Variants in CCNY observed in about 807,000 individuals in gnomAD.
The protein encoded by CCNY is cyclin Y, also known as cyclin-Y.
Under a neutral mutation model 42.8 loss-of-function variants are expected in CCNY, and 19 were observed. That is an observed-to-expected ratio of 0.44 (90% CI 0.31 to 0.65). The LOEUF (loss-of-function observed/expected upper bound fraction) is 0.65. Among genes scored for constraint, CCNY ranks in the 30% least tolerant of loss-of-function variants. CCNY has a pLI of 0.07. For synonymous variants in CCNY, 165 were observed against 162.7 expected (o/e 1.01, Z -0.11); for missense variants, 370 against 437.3 (o/e 0.85, Z 1.37).
intron 3 of CCNY, among the ~76,000 whole-genome samples, chr10:35,293,916 G>A (rs574625324): frequency 1.5e-4 from 22 of 151,360 alleles, no homozygotes; most frequent in African/African-American, 4.6e-4. Flanking sequence ...TCAGCCTCCC[G>A]AGTAGCTGAG....
At chr10:35,483,262 G>T (rs1839713726) in intron 1 of CCNY, 142 bp from the exon 2 acceptor site, 5 of 627,040 alleles carry the variant, frequency 8.0e-6, no homozygotes, top group Admixed American at 3.4e-5. Context: ...TGAACCAAAA[G>T]AATCTATTAA....
intron 3 of CCNY, among the ~76,000 whole-genome samples, chr10:35,324,623 T>C (rs1835858549): frequency 6.6e-6 from 1 of 152,144 alleles, no homozygotes; most frequent in African/African-American, 2.4e-5. Flanking sequence ...AGAGCTGAGA[T>C]GGGGGAAGCA....
At chr10:35,272,809 TG>T (rs1273497621) in intron 3 of CCNY, among the ~76,000 whole-genome samples, 1 of 152,228 alleles carries the variant, frequency 6.6e-6, no homozygotes, top group Non-Finnish European at 1.5e-5. Flanking sequence ...CTGGGTTGAA[TG>T]GTGGTTCTGT....
Position 35,465,938 on chromosome 10 carries a change from A to AGAGAGAGAGAGAGAGTGTGTGT in CCNY, c.155-17465_155-17464insAGAGAGAGAGAGAGTGTGTGTG. Among the ~76,000 whole-genome samples the AGAGAGAGAGAGAGAGTGTGTGT allele has an allele frequency of 2.5e-3, 199 of 80,972 alleles. 1 individual carries two copies. The highest frequency in any genetic ancestry group is 3.8e-3 in the Admixed American group (30 of 7,804). The allele number at this position is 80,972 out of a possible 152,430, so 53.1% of individuals were successfully genotyped here. A position where few individuals can be genotyped will look rare whatever the true frequency, so the allele number is the denominator to read the frequency against. On this transcript the variant is annotated intron_variant, in intron 1 of 9. Transcript: ENST00000374704. ...GAGAGAGAGAGAGAGAGAGAGAGAG[A>AGAGAGAGAGAGAGAGTGTGTGT]GTGTGTGTGTGTGTGTGTGTGTCTG...
At position 35,518,842 on chromosome 10, in the gene CCNY, T is replaced by C. The variant is rs1257720110; in HGVS notation, c.365+2219T>C. ...AGATCTTGATTGAATCTGGCTGAGG[T>C]ATGCTGTGAGTATCTGGATTTTTAA... On this transcript the variant is annotated intron_variant, in intron 4 of 9. Transcript: ENST00000374704. 4.1e-5 allele frequency among the ~76,000 whole-genome samples: 5 copies of C among 120,528 alleles called. No homozygotes were observed. In the East Asian group the frequency reaches 7.7e-4, roughly 19 times the overall value. 79.1% of individuals were successfully genotyped at this position (120,528 alleles called of 152,430 possible).
At chr10:35,398,254 A>T (rs1837568109) in intron 1 of CCNY, among the ~76,000 whole-genome samples, 1 of 152,172 alleles carries the variant, frequency 6.6e-6, no homozygotes, top group African/African-American at 2.4e-5. Flanking sequence ...ATGGGGACAG[A>T]TGTGATTGTG....
chr10:35,408,198 C>T (rs1309280714), intron 1 of CCNY, among the ~76,000 whole-genome samples: 1 of 152,136 alleles, frequency 6.6e-6, no homozygotes, highest in Non-Finnish European at 1.5e-5. Flanking sequence ...AGTCTGAGGA[C>T]CTGAGGTCAT....
At position 35,479,764 on chromosome 10, in the gene CCNY, T is replaced by TAAAA. The variant is rs572142241; in HGVS notation, c.155-3633_155-3630dup. 7.0e-3 allele frequency among the ~76,000 whole-genome samples: 1,023 copies of TAAAA among 145,368 alleles called. 8 individuals are homozygous for TAAAA. The highest frequency in any genetic ancestry group is 0.025 in the African/African-American group (974 of 39,618). ...CCTAAAACTTAAAGTATAATAATAATAAAAAAAAAAGAAAAACATCATAGA... is the reference window on the plus strand; with the variant it reads ...CCTAAAACTTAAAGTATAATAATAATAAAAAAAAAAAAAAGAAAAACATCATAGA... On this transcript the variant is annotated intron_variant, in intron 1 of 9. Transcript: ENST00000374704.
chr10:35,397,046 A>G (rs1185297592), intron 1 of CCNY, among the ~76,000 whole-genome samples: 1 of 152,186 alleles, frequency 6.6e-6, no homozygotes, highest in Non-Finnish European at 1.5e-5. Context: ...TGGCAGCTCC[A>G]GGTGCCCCTT....
chr10:35,536,554 C>T (rs970917191), intron 7 of CCNY, among the ~76,000 whole-genome samples: 3 of 152,104 alleles, frequency 2.0e-5, no homozygotes, highest in Non-Finnish European at 4.4e-5. Context: ...AATGGCTTTG[C>T]CCAAAGTGGT....
At chr10:35,549,653 T>C (rs576007880) in intron 7 of CCNY, among the ~76,000 whole-genome samples, 2 of 143,806 alleles carry the variant, frequency 1.4e-5, no homozygotes, top group Non-Finnish European at 3.0e-5. Flanking sequence ...GCGCTGCTCA[T>C]GGCCCATGAC....
At chr10:35,381,030 C>T (rs1401372592) in intron 1 of CCNY, among the ~76,000 whole-genome samples, 5 of 152,082 alleles carry the variant, frequency 3.3e-5, no homozygotes, top group Admixed American at 3.3e-4. Context: ...GTGGTCTGCT[C>T]CAGTGCTGGT....
At chr10:35,329,348 G>A (rs1325960519) in intron 3 of CCNY, among the ~76,000 whole-genome samples, 2 of 152,040 alleles carry the variant, frequency 1.3e-5, no homozygotes, top group Non-Finnish European at 2.9e-5. Flanking sequence ...TCAGGAGATC[G>A]AGATCATCCT....
Position 35,283,121 on chromosome 10 carries a change from C to G in CCNY, c.-9+32495C>G, listed in dbSNP as rs761731227. Among the ~76,000 whole-genome samples the G allele has an allele frequency of 2.6e-5, 4 of 152,178 alleles. No individual in the cohort carries two copies. In the East Asian group the frequency reaches 7.7e-4, roughly 29 times the overall value. On this transcript the variant is annotated intron_variant, in intron 3 of 11. Transcript: ENST00000374706. ...TTGAGGCCCAAACTAGCTTTTGATT[C>G]ATGTATTTTTAGGAACTCTGCTGGT...
At chr10:35,260,311 C>G (rs1195190732) in intron 3 of CCNY, among the ~76,000 whole-genome samples, 1 of 152,122 alleles carries the variant, frequency 6.6e-6, no homozygotes, top group Middle Eastern at 3.2e-3. Context: ...AAGCACAGAC[C>G]AAATGCTGTA....
intron 1 of CCNY, among the ~76,000 whole-genome samples, chr10:35,415,121 A>C (rs1837997416): frequency 6.6e-6 from 1 of 152,208 alleles, no homozygotes; most frequent in Non-Finnish European, 1.5e-5. Flanking sequence ...AAGGAGGGAG[A>C]ATAAAGCTGG....
chr10:35,474,557 G>C (rs1839463691), intron 1 of CCNY, among the ~76,000 whole-genome samples: 2 of 152,090 alleles, frequency 1.3e-5, no homozygotes, highest in South Asian at 4.2e-4. Context: ...CACACTGCAG[G>C]GTACTCCAAC....
intron 1 of CCNY, among the ~76,000 whole-genome samples, chr10:35,383,204 T>TTA (rs1271988353): frequency 6.6e-6 from 1 of 152,224 alleles, no homozygotes; most frequent in East Asian, 1.9e-4. Context: ...TAGGGGTGAC[T>TTA]GTAAATGGAT....
At chr10:35,427,091 A>G (rs893625711) in intron 1 of CCNY, among the ~76,000 whole-genome samples, 5 of 152,226 alleles carry the variant, frequency 3.3e-5, no homozygotes, top group Non-Finnish European at 7.3e-5. Flanking sequence ...GGGGCTTTAA[A>G]GTAGTAATTA....
Sources: allele counts gnomAD v4.1 joint callset (sites outside exome capture counted in the v4.1 genomes callset), GRCh38; gene constraint gnomAD v4.1.1; transcripts MANE v1.5; gene names NCBI Gene and HGNC (gene_info 2026-07-23, HGNC 2026-07-21).